CILK1: variants seen among roughly 807,000 people sequenced by gnomAD.
The protein encoded by CILK1 is serine/threonine-protein kinase ICK.
CILK1 carries 47 observed loss-of-function variants against 79.2 expected under a neutral mutation model. That is an observed-to-expected ratio of 0.59 (90% CI 0.47 to 0.76). CILK1 has a LOEUF of 0.76. CILK1 is among the 30% of genes least tolerant of loss of function. The pLI is 0.00. For synonymous variants in CILK1, 266 were observed against 275.9 expected (o/e 0.96, Z 0.36); for missense variants, 660 against 769.5 (o/e 0.86, Z 1.68).
intron 5 of CILK1, 56 bp from the exon 6 acceptor site, chr6:53,019,415 T>C: frequency 6.3e-7 from 1 of 1,593,590 alleles, no homozygotes; most frequent in Non-Finnish European, 8.6e-7. Flanking sequence ...CGTATTATTC[T>C]TTGCAATTGT....
chr6:53,021,281 C>T (rs111375045), intron 5 of CILK1, among the ~76,000 whole-genome samples: 1,665 of 150,178 alleles, frequency 0.011, 33 homozygotes, highest in African/African-American at 0.038. Flanking sequence ...GCTGAGATCA[C>T]ACCACTGCAC....
Position 53,012,293 on chromosome 6 carries a change from C to T in CILK1, c.1153-66G>A, listed in dbSNP as rs193122294. The T allele has an allele frequency of 1.6e-4, 228 of 1,454,074 alleles. 1 individual carries two copies. In the African/African-American group the frequency reaches 2.9e-3, roughly 19 times the overall value. 90.1% of individuals were successfully genotyped at this position (1,454,074 alleles called of 1,614,324 possible). Reference sequence around the variant, plus strand: ...TTAACAGAACTCATCCATGAGTAATCTCCATCTGAACTTTCTCTGCTATGC... The same window carrying T: ...TTAACAGAACTCATCCATGAGTAATTTCCATCTGAACTTTCTCTGCTATGC... On this transcript the variant is annotated intron_variant, in intron 9 of 13. Coordinates refer to ENST00000676107, the MANE Select transcript of CILK1 (RefSeq NM_014920.5).
At chr6:53,018,230 T>A in intron 7 of CILK1, 100 bp downstream of exon 7, 1 of 1,121,068 alleles carries the variant, frequency 8.9e-7, no homozygotes, top group Non-Finnish European at 1.4e-6. Context: ...GAGCCTAGAA[T>A]GGGCAGGTGC....
chr6:53,029,268 A>G (rs527278867), intron 5 of CILK1, among the ~76,000 whole-genome samples: 1 of 152,266 alleles, frequency 6.6e-6, no homozygotes, highest in Non-Finnish European at 1.5e-5. Flanking sequence ...ATTTGTCCCT[A>G]AGATACCATG....
At chr6:53,014,905 T>C (rs1404319205) in intron 8 of CILK1, among the ~76,000 whole-genome samples, 3 of 152,242 alleles carry the variant, frequency 2.0e-5, no homozygotes. Flanking sequence ...TACATGCATC[T>C]GTTAAAAAAC....
chr6:53,046,079 T>C lies in CILK1; in HGVS notation c.-172-4671A>G, dbSNP rs1767056997. Among the ~76,000 whole-genome samples, 3 of 152,242 alleles carry C rather than the reference T, an allele frequency of 2.0e-5. No homozygotes were observed. In the South Asian group the frequency reaches 6.2e-4, roughly 32 times the overall value. The stretch of plus-strand genomic sequence containing the variant: ...ATATAACGAAGCTATGTCATAAAAA[T>C]GTCTATGCACATGAAATGAGTAATC... On this transcript the variant is annotated intron_variant, in intron 1 of 13. Coordinates refer to ENST00000676107, the MANE Select transcript of CILK1 (RefSeq NM_014920.5).
At chr6:53,039,938 TG>T (rs1766594516) in intron 2 of CILK1, among the ~76,000 whole-genome samples, 1 of 151,916 alleles carries the variant, frequency 6.6e-6, no homozygotes, top group African/African-American at 2.4e-5. Context: ...CAGTACTAGA[TG>T]ACTAAAGGTG....
At chr6:53,059,842 GA>G (rs755673592) in intron 1 of CILK1, among the ~76,000 whole-genome samples, 35 of 152,336 alleles carry the variant, frequency 2.3e-4, no homozygotes, top group Non-Finnish European at 4.3e-4. Context: ...ATAGAACACT[GA>G]AAAGACCAGA....
At chr6:53,044,128 T>C (rs936304225) in intron 1 of CILK1, among the ~76,000 whole-genome samples, 1 of 151,992 alleles carries the variant, frequency 6.6e-6, no homozygotes, top group African/African-American at 2.4e-5. Context: ...GAAAATGCAA[T>C]AAAGCAGGGG....
At chr6:53,028,769 A>G (rs1324094467) in intron 5 of CILK1, among the ~76,000 whole-genome samples, 1 of 152,172 alleles carries the variant, frequency 6.6e-6, no homozygotes, top group Non-Finnish European at 1.5e-5. Context: ...GAGTTCCAAC[A>G]AACTGTTTTG....
chr6:53,053,623 G>C (rs539108857), intron 1 of CILK1, among the ~76,000 whole-genome samples: 15 of 152,310 alleles, frequency 9.8e-5, no homozygotes, highest in African/African-American at 3.6e-4. Flanking sequence ...AAACTTAAGG[G>C]AAAGCTTTCA....
chr6:53,035,957 C>T (rs1289416050), intron 3 of CILK1, among the ~76,000 whole-genome samples: 13 of 133,200 alleles, frequency 9.8e-5, no homozygotes, highest in Admixed American at 8.5e-5. Context: ...CCAACAAGCG[C>T]GTGGGTGTGG....
rs964561880 is a variant in CILK1, at chr6:53,008,601, T to C, written c.1621+838A>G. On this transcript the variant is annotated intron_variant, in intron 12 of 13. Transcript: ENST00000676107. ...CCACCATGCCTGGCTAATTTTTATATTTTAGGTAGAGACAGGGTTTTACCA... is the reference window on the plus strand; with the variant it reads ...CCACCATGCCTGGCTAATTTTTATACTTTAGGTAGAGACAGGGTTTTACCA... Among the ~76,000 whole-genome samples, 4 of 152,120 alleles carry C rather than the reference T, an allele frequency of 2.6e-5. No individual in the cohort carries two copies. In the East Asian group the frequency reaches 7.7e-4, roughly 29 times the overall value.
intron 1 of CILK1, among the ~76,000 whole-genome samples, chr6:53,043,958 G>T (rs1029036845): frequency 6.6e-6 from 1 of 152,034 alleles, no homozygotes; most frequent in African/African-American, 2.4e-5. Context: ...GGGCAAATGG[G>T]GTTCTAGCAC....
At chr6:53,007,935 G>A (rs1051756599) in intron 12 of CILK1, among the ~76,000 whole-genome samples, 13 of 151,346 alleles carry the variant, frequency 8.6e-5, no homozygotes, top group Admixed American at 3.3e-4. Context: ...GCAAGACTGC[G>A]TCTTAAAATA....
chr6:53,044,441 T>C (rs1766923942), intron 1 of CILK1, among the ~76,000 whole-genome samples: 1 of 152,220 alleles, frequency 6.6e-6, no homozygotes, highest in Non-Finnish European at 1.5e-5. Flanking sequence ...ATTGTAGTTG[T>C]AGTTACTGTC....
chr6:53,019,262 T>G lies in CILK1; in HGVS notation c.456A>C (p.Ser152=). Residue 152 remains serine (S), a synonymous_variant, in exon 6 of 14, where the codon TCA becomes TCC. Transcript: ENST00000676107. ...ADFGLAREIR[S]KPPYTDYVST... ...ATACATAATCTGTATATGGAGGTTT[T>G]GATCGTATTTCTCGGGCCAAACCAA... The G allele has an allele frequency of 6.2e-7, 1 of 1,614,106 alleles. No individual in the cohort carries two copies. The highest frequency in any genetic ancestry group is 1.3e-5 in the African/African-American group (1 of 75,054).
intron 5 of CILK1, among the ~76,000 whole-genome samples, chr6:53,026,339 G>A (rs1041690375): frequency 1.3e-5 from 2 of 152,022 alleles, no homozygotes; most frequent in Non-Finnish European, 2.9e-5. Flanking sequence ...AGTAGAGACG[G>A]GGTTTCGCCA....
intron 1 of CILK1, among the ~76,000 whole-genome samples, chr6:53,044,256 G>C (rs1009570424): frequency 4.6e-5 from 7 of 152,166 alleles, no homozygotes; most frequent in Non-Finnish European, 7.3e-5. Flanking sequence ...TGTCAGATCA[G>C]CAGCGGCGGC....
Sources: gnomAD v4.1 joint callset for allele counts (sites outside exome capture counted in the v4.1 genomes callset) on GRCh38, gnomAD v4.1.1 for gene constraint, MANE v1.5 for transcripts, NCBI Gene and HGNC (gene_info 2026-07-23, HGNC 2026-07-21) for gene names.